The following GRM7 variants were observed in gnomAD, a reference collection of about 807,000 sequenced individuals.
GRM7 encodes glutamate metabotropic receptor 7.
GRM7 carries 35 observed loss-of-function variants against 84.5 expected under a neutral mutation model. That is an observed-to-expected ratio of 0.41 (90% CI 0.32 to 0.55). GRM7 has a LOEUF of 0.55. Among genes scored for constraint, GRM7 ranks in the 20% least tolerant of loss-of-function variants. GRM7 has a pLI of 0.19. For missense variants in GRM7, 1,003 were observed against 1,194.6 expected (o/e 0.84, Z 2.36); for synonymous variants, 487 against 455.1 (o/e 1.07, Z -0.89).
chr3:7,706,723 A>T (rs1701400462), intron 9 of GRM7, among the ~76,000 whole-genome samples: 1 of 152,146 alleles, frequency 6.6e-6, no homozygotes, highest in Non-Finnish European at 1.5e-5. Flanking sequence ...CAGTGTTCTG[A>T]ATGTTTACTG....
At chr3:7,000,406 C>T (rs1334485537) in intron 1 of GRM7, among the ~76,000 whole-genome samples, 3 of 151,938 alleles carry the variant, frequency 2.0e-5, no homozygotes, top group African/African-American at 4.8e-5. Flanking sequence ...AGGATGGTCT[C>T]GAACTCCTGA....
intron 1 of GRM7, among the ~76,000 whole-genome samples, chr3:6,920,157 T>A (rs1387272136): frequency 5.3e-5 from 8 of 152,214 alleles, no homozygotes; most frequent in Admixed American, 4.6e-4. Flanking sequence ...TCACCTTAAA[T>A]GCATTTATAC....
intron 1 of GRM7, among the ~76,000 whole-genome samples, chr3:7,028,307 T>C (rs1418626269): frequency 6.6e-6 from 1 of 152,222 alleles, no homozygotes; most frequent in Non-Finnish European, 1.5e-5. Flanking sequence ...AATACCTCGC[T>C]TTGCACATTT....
At chr3:7,309,003 G>C (rs1343071664) in intron 4 of GRM7, among the ~76,000 whole-genome samples, 3 of 152,188 alleles carry the variant, frequency 2.0e-5, no homozygotes, top group Admixed American at 6.5e-5. Context: ...AATGAAATTG[G>C]AGAGCACTGT....
chr3:7,238,142 A>T (rs1209268102), intron 2 of GRM7, among the ~76,000 whole-genome samples: 1 of 152,160 alleles, frequency 6.6e-6, no homozygotes, highest in African/African-American at 2.4e-5. Context: ...TTATGTGACT[A>T]CCATTCTAAA....
intron 5 of GRM7, among the ~76,000 whole-genome samples, chr3:7,429,009 G>C (rs1696724166): frequency 6.6e-6 from 1 of 152,032 alleles, no homozygotes; most frequent in Admixed American, 6.6e-5. Flanking sequence ...TTGCTTTCTT[G>C]GGATGCATTT....
intron 9 of GRM7, among the ~76,000 whole-genome samples, chr3:7,703,455 C>G (rs1054444599): frequency 1.3e-5 from 2 of 149,966 alleles, no homozygotes; most frequent in Non-Finnish European, 3.0e-5. Context: ...TTTTTTTAAT[C>G]TGGTGGATGG....
intron 1 of GRM7, among the ~76,000 whole-genome samples, chr3:7,115,093 A>G (rs1359821971): frequency 6.6e-6 from 1 of 152,178 alleles, no homozygotes; most frequent in Non-Finnish European, 1.5e-5. Flanking sequence ...TTCAATCCAT[A>G]GATATGTATT....
At chr3:6,918,301 AT>A (rs1697010568) in intron 1 of GRM7, among the ~76,000 whole-genome samples, 1 of 152,156 alleles carries the variant, frequency 6.6e-6, no homozygotes, top group South Asian at 2.1e-4. Context: ...TTACACGAGA[AT>A]TTTTGCCTAT....
Position 6,863,506 on chromosome 3 carries a change from G to A in GRM7, c.519+1599G>A, listed in dbSNP as rs981321921. Among the ~76,000 whole-genome samples the A allele has an allele frequency of 2.0e-5, 3 of 152,180 alleles. No individual in the cohort carries two copies. Among genetic ancestry groups the A allele is most frequent in the Non-Finnish European group, 2.9e-5 (2 of 68,042 alleles). On this transcript the variant is annotated intron_variant, in intron 1 of 9. Coordinates refer to ENST00000357716, the MANE Select transcript of GRM7 (RefSeq NM_000844.4). The surrounding 1 kb of genome is among the most constrained non-coding windows in gnomAD (Gnocchi z 4.8). Reference sequence around the variant, plus strand: ...TTGCATGGCCCCTCTGATCCTCTGAGCATCTCTGACACTTCCTGAGTGCCA... The same window carrying A: ...TTGCATGGCCCCTCTGATCCTCTGAACATCTCTGACACTTCCTGAGTGCCA...
chr3:6,991,370 C>T (rs1048191420), intron 1 of GRM7, among the ~76,000 whole-genome samples: 162 of 152,254 alleles, frequency 1.1e-3, no homozygotes, highest in African/African-American at 3.8e-3. Context: ...TGGACCTAAT[C>T]CCTAGAGCTA....
intron 2 of GRM7, among the ~76,000 whole-genome samples, chr3:7,264,836 C>A (rs931388950): frequency 2.7e-5 from 4 of 148,582 alleles, no homozygotes; most frequent in Non-Finnish European, 1.5e-5. Flanking sequence ...ACCAGAGTTA[C>A]CTCGGGTCTC....
intron 7 of GRM7, among the ~76,000 whole-genome samples, chr3:7,484,872 C>G (rs544118844): frequency 6.6e-6 from 1 of 152,226 alleles, no homozygotes; most frequent in East Asian, 1.9e-4. Flanking sequence ...GTAGGATGTT[C>G]CTTTCTGAAA....
At chr3:7,584,763 TAAGAA>T (rs1159361028) in intron 8 of GRM7, among the ~76,000 whole-genome samples, 3 of 152,218 alleles carry the variant, frequency 2.0e-5, no homozygotes, top group African/African-American at 7.2e-5. Context: ...TTTTAAGCAT[TAAGAA>T]AATATGCGAG....
chr3:6,899,676 T>A (rs929412977), intron 1 of GRM7, among the ~76,000 whole-genome samples: 5 of 152,036 alleles, frequency 3.3e-5, no homozygotes, highest in African/African-American at 9.7e-5. Context: ...AAAAAGAAAA[T>A]CTCTGGCTTC....
At chr3:6,943,295 A>G (rs1174242035) in intron 1 of GRM7, among the ~76,000 whole-genome samples, 1 of 151,800 alleles carries the variant, frequency 6.6e-6, no homozygotes, top group Admixed American at 6.6e-5. Context: ...ATCTTTGCCC[A>G]ATATTTTCTT....
intron 8 of GRM7, among the ~76,000 whole-genome samples, chr3:7,601,438 A>G (rs760842478): frequency 6.6e-6 from 1 of 152,152 alleles, no homozygotes; most frequent in Non-Finnish European, 1.5e-5. Context: ...AACTTCAGGT[A>G]GTAAATAAGT....
At chr3:7,430,848 A>G (rs1696799941) in intron 5 of GRM7, among the ~76,000 whole-genome samples, 1 of 152,214 alleles carries the variant, frequency 6.6e-6, no homozygotes, top group African/African-American at 2.4e-5. Context: ...CAAATATAAT[A>G]AAGATAATAT....
rs1185927397 is a variant in GRM7, at chr3:7,339,560, G to T, written c.1033+32908G>T. 1.3e-5 allele frequency among the ~76,000 whole-genome samples: 2 copies of T among 152,180 alleles called. 1 individual carries two copies. The highest frequency in any genetic ancestry group is 4.2e-4 in the South Asian group (2 of 4,818). ...TTTGGGGTGGCCTCCTACGACCTCT[G>T]AGCTCCACCCTCCATTAAAGTTGGC... is the stretch of plus-strand genomic sequence containing the variant. On this transcript the variant is annotated intron_variant, in intron 4 of 9. Coordinates refer to ENST00000357716, the MANE Select transcript of GRM7 (RefSeq NM_000844.4).
Sources: gnomAD v4.1 joint callset for allele counts (sites outside exome capture counted in the v4.1 genomes callset) on GRCh38, gnomAD v4.1.1 for gene constraint, Gnocchi (gnomAD v3.1) non-coding constraint, MANE v1.5 for transcripts, NCBI Gene and HGNC (gene_info 2026-07-23, HGNC 2026-07-21) for gene names.